The following ATP1A3 variants were observed in gnomAD, a reference collection of about 807,000 sequenced individuals.
ATP1A3 encodes the protein sodium/potassium-transporting ATPase subunit alpha-3.
ATP1A3 carries 12 observed loss-of-function variants against 108.8 expected under a neutral mutation model. The observed-to-expected ratio is 0.11, with a 90% CI of 0.07 to 0.18. The LOEUF is 0.18. Among genes scored for constraint, ATP1A3 ranks in the 10% least tolerant of loss-of-function variants. The pLI is 1.00. For missense variants in ATP1A3, 498 were observed against 1,387.7 expected, an observed-to-expected ratio of 0.36 and a Z score of 10.19; for synonymous variants, 539 against 564.5, an observed-to-expected ratio of 0.95 and a Z score of 0.64.
At chr19:41,974,825 G>C (rs2075148597) in intron 16 of ATP1A3, among the ~76,000 whole-genome samples, 1 of 152,224 alleles carries the variant, frequency 6.6e-6, no homozygotes, top group Non-Finnish European at 1.5e-5. Context: ...GGTGGTGCCT[G>C]TCGGCTCAGC....
At chr19:41,992,600 T>C (rs955746092) in intron 1 of ATP1A3, among the ~76,000 whole-genome samples, 5 of 151,984 alleles carry the variant, frequency 3.3e-5, no homozygotes, top group African/African-American at 1.2e-4. Flanking sequence ...TGCCGCTAGA[T>C]AGGAAATATC....
intron 11 of ATP1A3, among the ~76,000 whole-genome samples, chr19:41,979,653 G>A (rs1305761851): frequency 2.6e-5 from 4 of 152,128 alleles, no homozygotes; most frequent in Admixed American, 6.6e-5. Flanking sequence ...AAAACCATAC[G>A]GACAGAAAGT....
At chr19:41,972,309 C>G (rs1437391742) in intron 16 of ATP1A3, among the ~76,000 whole-genome samples, 2 of 151,936 alleles carry the variant, frequency 1.3e-5, no homozygotes, top group Non-Finnish European at 2.9e-5. Context: ...AGCCTGTGGT[C>G]GCAGCTACTT....
chr19:41,986,268 A>G, intron 4 of ATP1A3, 39 bp from the exon 5 acceptor site: 1 of 1,602,290 alleles, frequency 6.2e-7, no homozygotes, highest in Non-Finnish European at 8.5e-7. Context: ...GGGGCCGCCC[A>G]AGCCACTCTC....
In ATP1A3 at chr19:41,967,357, A is replaced by C; in HGVS notation, c.2922-17T>G. The C allele has an allele frequency of 6.2e-7, 1 of 1,603,458 alleles. No homozygotes were observed. Among genetic ancestry groups the C allele is most frequent in the Non-Finnish European group, 8.5e-7 (1 of 1,179,514 alleles). ...CAGCTGGGCCTGCAGAGGGGAGAGC[A>C]GGAGGGCTTGAGTGCGGGGCCCTAA... On this transcript the variant is annotated splice_polypyrimidine_tract_variant and intron_variant, in intron 21 of 22. Coordinates refer to ENST00000648268, the MANE Select transcript of ATP1A3 (RefSeq NM_152296.5). This position sits in a 1 kb window ranked among gnomAD's most constrained non-coding sequence, Gnocchi z 4.2.
chr19:41,986,330 G>A, intron 4 of ATP1A3, 101 bp from the exon 5 acceptor site: 1 of 1,163,050 alleles, frequency 8.6e-7, no homozygotes, highest in South Asian at 1.3e-5. Flanking sequence ...TGTCAGTGGG[G>A]GTCTGTATTT....
chr19:41,992,349 G>A (rs2075348595), intron 1 of ATP1A3, among the ~76,000 whole-genome samples: 1 of 152,144 alleles, frequency 6.6e-6, no homozygotes, highest in Non-Finnish European at 1.5e-5. Context: ...CGCGCTGCGG[G>A]GTGGGAGCAC....
At chr19:41,993,082 G>A (rs533249276) in intron 1 of ATP1A3, 16 of 170,312 alleles carry the variant, frequency 9.4e-5, no homozygotes, top group Admixed American at 3.3e-4. Context: ...GCCTTTATCC[G>A]CCATCTTTCT....
rs1337728279 is a variant in ATP1A3 at position 41,988,900 on chromosome 19, C to T, written c.7-338G>A. Among the ~76,000 whole-genome samples, 1 of 152,150 alleles carries T rather than the reference C, an allele frequency of 6.6e-6. No homozygotes were observed. Among genetic ancestry groups the T allele is most frequent in the Admixed American group, 6.5e-5 (1 of 15,270 alleles). On this transcript the variant is annotated intron_variant, in intron 1 of 22. Transcript: ENST00000648268. The surrounding 1 kb of genome is among the most constrained non-coding windows in gnomAD (Gnocchi z 5.3). ...GTTTCAGTCTCTCTCTGTTTCTGTG[C>T]CCATCTTTGCGGGGCTCTCCCCTTT...
At position 41,988,393 on chromosome 19, in the gene ATP1A3, T is replaced by G. The variant is rs782612422; in HGVS notation, c.94-16A>C. 544 of 1,613,936 alleles carry G rather than the reference T, an allele frequency of 3.4e-4. No homozygotes were observed. Among genetic ancestry groups the G allele is most frequent in the Non-Finnish European group, 4.4e-4 (524 of 1,180,000 alleles). ...TGTGCTCTGTCTGAGGAACAGGAGT[T>G]TGGGGGAGACGGTGAGTGCCTAGGC... On this transcript the variant is annotated splice_polypyrimidine_tract_variant and intron_variant, in intron 2 of 22. Coordinates refer to ENST00000648268, the MANE Select transcript of ATP1A3 (RefSeq NM_152296.5). The surrounding 1 kb of genome is among the most constrained non-coding windows in gnomAD (Gnocchi z 5.3).
chr19:41,980,904 C>G (rs1193787837), intron 11 of ATP1A3, among the ~76,000 whole-genome samples: 19 of 150,590 alleles, frequency 1.3e-4, no homozygotes, highest in Admixed American at 1.3e-4. Flanking sequence ...GAGCGAAACT[C>G]TGTCTCAAAA....
chr19:41,993,416 C>A, intron 1 of ATP1A3: 1 of 1,535,712 alleles, frequency 6.5e-7, no homozygotes, highest in Non-Finnish European at 8.7e-7. Context: ...TTCCTCTCCT[C>A]CTCCCAGCCT....
At position 41,978,178 on chromosome 19, in the gene ATP1A3, C is replaced by T; in HGVS notation, c.1779G>A (p.Val593=). ...DPPRAAVPDA[V]GKCRSAGIKV... is the part of the protein sequence containing the mutation. Reference sequence around the variant, plus strand: ...TGATGCCTGCGCTGCGACACTTGCCCACCGCGTCAGGGACGGCTGCCCGGG... The same window carrying T: ...TGATGCCTGCGCTGCGACACTTGCCTACCGCGTCAGGGACGGCTGCCCGGG... Residue 593 remains valine, a synonymous_variant, in exon 13 of 23, where the codon GTG becomes GTA. Transcript: ENST00000648268. The surrounding 1 kb of genome is among the most constrained non-coding windows in gnomAD (Gnocchi z 8.3). 6.2e-7 allele frequency: 1 copy of T among 1,614,238 alleles called. No individual in the cohort carries two copies. The highest frequency in any genetic ancestry group is 8.5e-7 in the Non-Finnish European group (1 of 1,180,046).
At position 41,981,535 on chromosome 19, in the gene ATP1A3, A is replaced by G; in HGVS notation, c.1404T>C (p.Ala468=). ...TGTTGGTGGAATTGAAGGGAATCTCAGCCACTTTCTTGTTGCGTTCACGCA... is the reference window on the plus strand; with the variant it reads ...TGTTGGTGGAATTGAAGGGAATCTCGGCCACTTTCTTGTTGCGTTCACGCA... ...KLMRERNKKV[A]EIPFNSTNKY... The change falls in exon 11 of 23, where the codon GCT becomes GCC. Residue 468 remains alanine, a synonymous_variant. Transcript: ENST00000648268. The surrounding 1 kb of genome is among the most constrained non-coding windows in gnomAD (Gnocchi z 5.0). The G allele has an allele frequency of 6.2e-7, 1 of 1,614,176 alleles. No homozygotes were observed. The highest frequency in any genetic ancestry group is 8.5e-7 in the Non-Finnish European group (1 of 1,180,010).
chr19:41,975,470 A>C (rs1211105447), intron 16 of ATP1A3, among the ~76,000 whole-genome samples, 159 bp downstream of exon 16: 2 of 152,172 alleles, frequency 1.3e-5, no homozygotes, highest in Non-Finnish European at 2.9e-5. Context: ...CCGACCCCAC[A>C]GGGGAGGAAG....
chr19:41,991,717 C>T (rs1311151732), intron 1 of ATP1A3, among the ~76,000 whole-genome samples: 2 of 152,070 alleles, frequency 1.3e-5, no homozygotes, highest in African/African-American at 4.8e-5. Context: ...CTCTCAGATA[C>T]TGAGAGAGGC....
Position 41,985,032 on chromosome 19 carries a change from A to G in ATP1A3, c.879T>C (p.Gly293=), listed in dbSNP as rs782184674. The part of the protein sequence containing the change: ...QLITGVAVFL[G]VSFFILSLIL... ...TGAGGGAGAGGATGAAGAAGGAGAC[A>G]CCCAGGAAGACAGCCACGCCGGTGA... Residue 293 remains glycine, a synonymous_variant, in exon 8 of 23, where the codon GGT becomes GGC. Coordinates refer to ENST00000648268, the MANE Select transcript of ATP1A3 (RefSeq NM_152296.5). This position sits in a 1 kb window ranked among gnomAD's most constrained non-coding sequence, Gnocchi z 8.2. The G allele has an allele frequency of 1.5e-5, 24 of 1,613,918 alleles. No individual in the cohort carries two copies. Among genetic ancestry groups the G allele is most frequent in the Middle Eastern group, 1.6e-4 (1 of 6,084 alleles).
At chr19:41,974,882 C>T (rs1446134440) in intron 16 of ATP1A3, among the ~76,000 whole-genome samples, 1 of 152,146 alleles carries the variant, frequency 6.6e-6, no homozygotes, top group African/African-American at 2.4e-5. Context: ...GCCTGTGTAC[C>T]GGTTCCTCTG....
At chr19:41,993,060 C>G (rs955774662) in intron 1 of ATP1A3, 32 of 219,096 alleles carry the variant, frequency 1.5e-4, no homozygotes, top group Admixed American at 3.9e-4. Context: ...ACCTCCATCC[C>G]TGGGCCCATC....
Sources: gnomAD v4.1 joint callset for allele counts (sites outside exome capture counted in the v4.1 genomes callset) on GRCh38, gnomAD v4.1.1 for gene constraint, Gnocchi (gnomAD v3.1) non-coding constraint, MANE v1.5 for transcripts, NCBI Gene and HGNC (gene_info 2026-07-23, HGNC 2026-07-21) for gene names.